Variants in CASR observed in about 807,000 individuals in gnomAD.
CASR encodes the protein extracellular calcium-sensing receptor.
Under a neutral mutation model 69.1 loss-of-function variants are expected in CASR, and 23 were observed. The observed-to-expected ratio is 0.33, with a 90% confidence interval of 0.24 to 0.47. The LOEUF (loss-of-function observed/expected upper bound fraction) is 0.47. Ranked by LOEUF, CASR falls within the 20% of genes least tolerant of loss-of-function variation. CASR has a pLI of 1.00. For missense variants in CASR, 924 were observed against 1,356.1 expected, an observed-to-expected ratio of 0.68 and a Z score of 5.00; for synonymous variants, 541 against 544.7, an observed-to-expected ratio of 0.99 and a Z score of 0.10.
At chr3:122,274,449 G>A (rs769432547) in intron 4 of CASR, among the ~76,000 whole-genome samples, 2 of 152,346 alleles carry the variant, frequency 1.3e-5, no homozygotes, top group African/African-American at 2.4e-5. Flanking sequence ...TCTCTGGAGT[G>A]GAGTGGGACA....
chr3:122,254,079 C>A lies in CASR; in HGVS notation c.-111C>A, dbSNP rs201098532. 172 of 912,410 alleles carry A rather than the reference C, an allele frequency of 1.9e-4. 1 individual carries two copies. In the East Asian group the frequency reaches 4.1e-3, roughly 22 times the overall value. 56.5% of individuals were successfully genotyped at this position (912,410 alleles called of 1,614,324 possible). ...GTCTTCTATTATTTTATTAATCAAT[C>A]TGTAGACATGTGTCCCCACTGCAGG... On this transcript the variant is annotated 5_prime_UTR_variant, in exon 2 of 7. It adds an upstream start codon to the 5' untranslated region. Coordinates refer to ENST00000639785, the MANE Select transcript of CASR (RefSeq NM_000388.4).
In CASR at chr3:122,286,686, T is replaced by C. The variant is rs1274796162; in HGVS notation, c.*1495T>C. ...GCTCATGGTGAGGAAGCCAGAAAGC[T>C]GGTCAGCCCCTCAGGTGGCCCAATG... On this transcript the variant is annotated 3_prime_UTR_variant, in exon 7 of 7. Transcript: ENST00000639785. 1 of 152,240 alleles carries C rather than the reference T, an allele frequency of 6.6e-6. No homozygotes were observed. The highest frequency in any genetic ancestry group is 1.5e-5 in the Non-Finnish European group (1 of 68,064). 9.4% of individuals were successfully genotyped at this position (152,240 alleles called of 1,614,324 possible).
chr3:122,195,196 T>C (rs2073877519), intron 1 of CASR, among the ~76,000 whole-genome samples: 1 of 152,146 alleles, frequency 6.6e-6, no homozygotes, highest in Admixed American at 6.5e-5. Flanking sequence ...TCCCACAACT[T>C]GTCATTTCCT....
intron 1 of CASR, among the ~76,000 whole-genome samples, chr3:122,205,148 T>A (rs1470539882): frequency 6.6e-6 from 1 of 152,134 alleles, no homozygotes; most frequent in Admixed American, 6.5e-5. Flanking sequence ...AAAAAAATCC[T>A]TGCCCAGACC....
At chr3:122,194,813 C>A (rs573345366) in intron 1 of CASR, among the ~76,000 whole-genome samples, 1 of 152,282 alleles carries the variant, frequency 6.6e-6, no homozygotes, top group African/African-American at 2.4e-5. Context: ...CAAGTATATG[C>A]CAAGAGTCCT....
chr3:122,286,160 T>C lies in CASR; in HGVS notation c.*969T>C, dbSNP rs1479968359. The C allele has an allele frequency of 6.6e-6, 1 of 152,472 alleles. No individual in the cohort carries two copies. Among genetic ancestry groups the C allele is most frequent in the African/African-American group, 2.4e-5 (1 of 41,438 alleles). 9.4% of individuals were successfully genotyped at this position (152,472 alleles called of 1,614,324 possible). A position where few individuals can be genotyped will look rare whatever the true frequency, so the allele number is the denominator to read the frequency against. On this transcript the variant is annotated 3_prime_UTR_variant, in exon 7 of 7. Coordinates refer to ENST00000639785, the MANE Select transcript of CASR (RefSeq NM_000388.4). ...CAATTATTGGCCTGCTAATAGCTGCTAGGGTAGGAAAGCGTGGTTCCAAGA... is the reference window on the plus strand; with the variant it reads ...CAATTATTGGCCTGCTAATAGCTGCCAGGGTAGGAAAGCGTGGTTCCAAGA...
intron 1 of CASR, among the ~76,000 whole-genome samples, chr3:122,229,445 C>T (rs2074259428): frequency 6.6e-6 from 1 of 152,262 alleles, no homozygotes; most frequent in Non-Finnish European, 1.5e-5. Flanking sequence ...TAGATGACTT[C>T]TAATATCCTT....
chr3:122,241,979 A>G (rs77938287), intron 1 of CASR, among the ~76,000 whole-genome samples: 2,658 of 152,262 alleles, frequency 0.017, 76 homozygotes, highest in African/African-American at 0.061. Context: ...AAAGTTCAAC[A>G]TCACTTTATG....
intron 1 of CASR, among the ~76,000 whole-genome samples, chr3:122,193,512 C>T (rs1048487589): frequency 2.6e-5 from 4 of 152,102 alleles, no homozygotes; most frequent in Non-Finnish European, 4.4e-5. Context: ...CCACCATACC[C>T]GGCCCTATCC....
rs575431882 is a variant in CASR at position 122,233,819 on chromosome 3, C to T, written c.-242-20129C>T. Among the ~76,000 whole-genome samples the T allele has an allele frequency of 1.1e-3, 172 of 152,296 alleles. 1 individual carries two copies. Among genetic ancestry groups the T allele is most frequent in the African/African-American group, 4.1e-3 (170 of 41,568 alleles). ...TATCTAAGGGGAACAAAAATTGTTG[C>T]TGCTGCTGATTCAGATTCACAGCTT... On this transcript the variant is annotated intron_variant, in intron 1 of 6. Transcript: ENST00000639785.
At chr3:122,241,435 A>G (rs2074378588) in intron 1 of CASR, among the ~76,000 whole-genome samples, 1 of 152,168 alleles carries the variant, frequency 6.6e-6, no homozygotes, top group Non-Finnish European at 1.5e-5. Flanking sequence ...CTTATAAGAA[A>G]TAGATAAATT....
chr3:122,249,836 A>G lies in CASR; in HGVS notation c.-242-4112A>G, dbSNP rs1048833972. Among the ~76,000 whole-genome samples the G allele has an allele frequency of 5.9e-5, 9 of 152,242 alleles. No individual in the cohort carries two copies. The East Asian group carries it at 1.3e-3, about 23-fold the overall frequency. On this transcript the variant is annotated intron_variant, in intron 1 of 6. Coordinates refer to ENST00000639785, the MANE Select transcript of CASR (RefSeq NM_000388.4). The stretch of plus-strand genomic sequence containing the variant: ...GGAGATAACTACAGTAAGAAAAAAT[A>G]TATATAATAACAGTGGTTTAAACCA...
At chr3:122,186,875 G>T (rs2073790578) in intron 1 of CASR, among the ~76,000 whole-genome samples, 1 of 152,170 alleles carries the variant, frequency 6.6e-6, no homozygotes, top group Non-Finnish European at 1.5e-5. Context: ...TGTGACATTT[G>T]CTGTACTACA....
chr3:122,192,315 C>T (rs752440541), intron 1 of CASR, among the ~76,000 whole-genome samples: 34 of 152,220 alleles, frequency 2.2e-4, no homozygotes, highest in African/African-American at 4.8e-4. Flanking sequence ...ACAAAGGGGA[C>T]GATAAGAGTA....
chr3:122,188,929 A>G (rs984804898), intron 1 of CASR, among the ~76,000 whole-genome samples: 1 of 152,246 alleles, frequency 6.6e-6, no homozygotes, highest in Non-Finnish European at 1.5e-5. Flanking sequence ...AAGGCAGGAA[A>G]CAATACAGAC....
chr3:122,223,749 T>A (rs1362480753), intron 1 of CASR, among the ~76,000 whole-genome samples: 4 of 152,060 alleles, frequency 2.6e-5, no homozygotes, highest in African/African-American at 9.7e-5. Context: ...AAAAGAAAAC[T>A]TCAGACAATA....
rs140323230 is a variant in CASR, at chr3:122,221,191, T to A, written c.-242-32757T>A. The stretch of plus-strand genomic sequence containing the variant: ...TGAGGCAGAGTGTAGAAAGAGACAT[T>A]GAGTTTTATTTAACTGAATTTTTCC... On this transcript the variant is annotated intron_variant, in intron 1 of 6. Transcript: ENST00000639785. Among the ~76,000 whole-genome samples, 12 of 152,288 alleles carry A rather than the reference T, an allele frequency of 7.9e-5. No individual in the cohort carries two copies. In the East Asian group the frequency reaches 2.1e-3, roughly 27 times the overall value.
intron 1 of CASR, among the ~76,000 whole-genome samples, chr3:122,203,981 G>A (rs1173513989): frequency 6.6e-6 from 1 of 151,634 alleles, no homozygotes; most frequent in East Asian, 1.9e-4. Flanking sequence ...ATGAATAATA[G>A]ACATACATAG....
intron 2 of CASR, 117 bp from the exon 3 acceptor site, chr3:122,256,964 C>G: frequency 1.2e-6 from 1 of 857,092 alleles, no homozygotes; most frequent in Non-Finnish European, 1.9e-6. Context: ...ACAGAGCATG[C>G]CATGAAGCCA....
Sources: gnomAD v4.1 joint callset for allele counts (sites outside exome capture counted in the v4.1 genomes callset) on GRCh38, gnomAD v4.1.1 for gene constraint, MANE v1.5 for transcripts, NCBI Gene and HGNC (gene_info 2026-07-23, HGNC 2026-07-21) for gene names.